TBC1D25: variants seen among roughly 807,000 people sequenced by gnomAD.
The protein encoded by TBC1D25 is TBC1 domain family member 25, also known as 5SN3 snoRNA.
In TBC1D25, 13 loss-of-function variants were observed where a neutral mutation model predicts 38.8. The ratio of observed to expected loss-of-function variants is 0.34; its 90% CI spans 0.22 to 0.53. The LOEUF is 0.53. TBC1D25 is among the 20% of genes least tolerant of loss of function. TBC1D25 has a pLI of 0.94. For missense variants in TBC1D25, 372 were observed against 600.0 expected (o/e 0.62, Z 3.97); for synonymous variants, 225 against 255.6 (o/e 0.88, Z 1.14).
intron 2 of TBC1D25, among the ~76,000 whole-genome samples, chrX:48,542,026 C>CTTTTTT (rs782768482): frequency 1.1e-5 from 1 of 87,859 alleles, no homozygotes; most frequent in Non-Finnish European, 2.2e-5. Flanking sequence ...CTTTTTATTT[C>CTTTTTT]TTTTTTTTTT....
chrX:48,540,033 C>T, intron 1 of TBC1D25, 113 bp downstream of exon 1: 1 of 910,877 alleles, frequency 1.1e-6, no homozygotes, highest in Non-Finnish European at 1.4e-6. Context: ...ACCTGAGCGG[C>T]GAAGCTTGAG....
intron 3 of TBC1D25, among the ~76,000 whole-genome samples, chrX:48,547,435 T>C: frequency 8.9e-6 from 1 of 111,930 alleles, no homozygotes; most frequent in Non-Finnish European, 1.9e-5. Flanking sequence ...CCATATGTGC[T>C]TATGTCAGTC....
chrX:48,545,088 C>A, intron 3 of TBC1D25, 65 bp downstream of exon 3: 3 of 1,161,860 alleles, frequency 2.6e-6, no homozygotes, highest in Non-Finnish European at 3.5e-6. Flanking sequence ...GTGATGCTAC[C>A]CCTCACAGTA....
At position 48,541,460 on chromosome X, in the gene TBC1D25, G is replaced by A; in HGVS notation, c.233+18G>A. On this transcript the variant is annotated intron_variant, in intron 2 of 5. Coordinates refer to ENST00000376771, the MANE Select transcript of TBC1D25 (RefSeq NM_002536.4). ...TTGAGTGGGTGAGTGGGAAGATGCT[G>A]GGGACTGGCCAGTGGGCCACCGACC... is the stretch of plus-strand genomic sequence containing the variant. The A allele has an allele frequency of 8.3e-7, 1 of 1,200,961 alleles. No homozygotes were observed. Among genetic ancestry groups the A allele is most frequent in the Non-Finnish European group, 1.1e-6 (1 of 886,778 alleles).
At position 48,559,069 on chromosome X, in the gene TBC1D25, A is replaced by C. The variant is rs377005470; in HGVS notation, c.516+45A>C. 2.2e-5 allele frequency: 26 copies of C among 1,204,402 alleles called. No homozygotes were observed. The African/African-American group carries it at 4.0e-4, about 19-fold the overall frequency. The stretch of plus-strand genomic sequence containing the variant: ...GGACCCAGCTGTGGTTGGAGGGCAG[A>C]GCCTTCCTGGCACCCTGGTTCTGAG... On this transcript the variant is annotated intron_variant, in intron 4 of 5. Transcript: ENST00000376771.
intron 1 of TBC1D25, among the ~76,000 whole-genome samples, chrX:48,540,649 G>A (rs782582933): frequency 4.5e-5 from 5 of 111,719 alleles, no homozygotes; most frequent in Non-Finnish European, 9.4e-5. Flanking sequence ...GAGACAGATC[G>A]CCAAGGGCCT....
Position 48,559,292 on chromosome X carries a change from C to T in TBC1D25, c.651C>T (p.Pro217=), listed in dbSNP as rs781809662. The T allele has an allele frequency of 3.3e-6, 4 of 1,210,862 alleles. No homozygotes were observed. Among genetic ancestry groups the T allele is most frequent in the Non-Finnish European group, 2.2e-6 (2 of 895,161 alleles). The part of the protein sequence containing the change: ...YLNHEGQLSR[P]EELRLRIYHG... ...ACCACGAGGGCCAGCTCTCCCGACC[C>T]GAGGAGTTGCGCCTGCGGATCTATC... Residue 217 remains proline, a synonymous_variant, in exon 5 of 6, where the codon CCC becomes CCT. Coordinates refer to ENST00000376771, the MANE Select transcript of TBC1D25 (RefSeq NM_002536.4).
chrX:48,539,941 G>A (rs1556979786), intron 1 of TBC1D25, 21 bp downstream of exon 1: 2 of 947,701 alleles, frequency 2.1e-6, no homozygotes, highest in Non-Finnish European at 2.6e-6. Context: ...CGGTGAGTCG[G>A]CCCAGCCGCC....
chrX:48,541,070 G>C (rs1316314831), intron 1 of TBC1D25, among the ~76,000 whole-genome samples: 4 of 112,106 alleles, frequency 3.6e-5, no homozygotes, highest in Non-Finnish European at 7.5e-5. Context: ...TGTTAGATTG[G>C]TTACAGCACC....
At chrX:48,542,780 T>TACTAA (rs2061851349) in intron 2 of TBC1D25, among the ~76,000 whole-genome samples, 1 of 110,771 alleles carries the variant, frequency 9.0e-6, no homozygotes, top group Admixed American at 9.7e-5. Context: ...TTTGTATCTT[T>TACTAA]AGTAGAGACA....
rs943624032 is a variant in TBC1D25 at position 48,561,161 on chromosome X, A to G, written c.*186A>G. ...GCACTGCCCCGCAGAGGCCACGCCT[A>G]TTTATTCTGTTTCTGTTGTTTTGTT... On this transcript the variant is annotated 3_prime_UTR_variant, in exon 6 of 6. Transcript: ENST00000376771. The G allele has an allele frequency of 2.2e-6, 1 of 449,960 alleles. No homozygotes were observed. Among genetic ancestry groups the G allele is most frequent in the Non-Finnish European group, 3.6e-6 (1 of 274,996 alleles). The allele number at this position is 449,960 out of a possible 1,213,427, so 37.1% of individuals were successfully genotyped here.
intron 3 of TBC1D25, among the ~76,000 whole-genome samples, chrX:48,558,111 CAAAA>C (rs782514374): frequency 2.0e-5 from 1 of 49,515 alleles, no homozygotes. Context: ...ACTCCGTCTC[CAAAA>C]AAAAAAAAAA....
At chrX:48,557,643 CAA>C (rs782150312) in intron 3 of TBC1D25, among the ~76,000 whole-genome samples, 6 of 80,598 alleles carry the variant, frequency 7.4e-5, no homozygotes, top group Non-Finnish European at 7.5e-5. Context: ...AACTCCGCCT[CAA>C]AAAAAAAAAA....
At chrX:48,544,248 C>CT (rs1556981059) in intron 2 of TBC1D25, among the ~76,000 whole-genome samples, 6 of 107,993 alleles carry the variant, frequency 5.6e-5, no homozygotes, top group Non-Finnish European at 7.7e-5. Flanking sequence ...ACACAGATTG[C>CT]TTTTTTTTTA....
Position 48,542,026 on chromosome X carries a change from C to T in TBC1D25, c.233+584C>T, listed in dbSNP as rs782313842. Among the ~76,000 whole-genome samples the T allele has an allele frequency of 1.0e-4, 9 of 87,817 alleles. No homozygotes were observed. The South Asian group carries it at 1.6e-3, about 16-fold the overall frequency. 76.3% of individuals were successfully genotyped at this position (87,817 alleles called of 115,157 possible). ...GTTAAATGCATTTTCCTTTTTATTT[C>T]TTTTTTTTTTTTTTTTTGAGATGGA... is the stretch of plus-strand genomic sequence containing the variant. On this transcript the variant is annotated intron_variant, in intron 2 of 5. Coordinates refer to ENST00000376771, the MANE Select transcript of TBC1D25 (RefSeq NM_002536.4).
In TBC1D25 at chrX:48,560,067, G is replaced by A. The variant is rs781810407; in HGVS notation, c.1159G>A (p.Ala387Thr). ...ACACTTGAAGCTGTTGCTGCGACAC[G>A]CTGACCCTGACTTTTATCAATACCT... Reference protein sequence around the residue: ...FAHLKLLLRHADPDFYQYLQE... With the variant: ...FAHLKLLLRHTDPDFYQYLQE... Residue 387 changes from alanine (A) to threonine (T), a missense_variant, in exon 6 of 6, where the codon GCT (alanine) becomes ACT (threonine). Ala to Thr is a moderately conservative substitution (Grantham distance 58). Coordinates refer to ENST00000376771, the MANE Select transcript of TBC1D25 (RefSeq NM_002536.4). 17 of 1,208,051 alleles carry A rather than the reference G, an allele frequency of 1.4e-5. No homozygotes were observed. Among genetic ancestry groups the A allele is most frequent in the Admixed American group, 6.6e-5 (3 of 45,507 alleles).
chrX:48,548,252 C>A (rs2061902979), intron 3 of TBC1D25, among the ~76,000 whole-genome samples: 1 of 108,499 alleles, frequency 9.2e-6, no homozygotes, highest in Admixed American at 1.0e-4. Context: ...AGTAGCTGGG[C>A]CTATAGGCAC....
chrX:48,553,472 T>G (rs1049021073), intron 3 of TBC1D25, among the ~76,000 whole-genome samples: 1 of 108,982 alleles, frequency 9.2e-6, no homozygotes, highest in East Asian at 2.9e-4. Context: ...TCTCAGGTCT[T>G]TCTTCTTAGT....
chrX:48,558,615 G>A (rs2061995353), intron 3 of TBC1D25, among the ~76,000 whole-genome samples: 2 of 112,395 alleles, frequency 1.8e-5, no homozygotes, highest in African/African-American at 6.5e-5. Flanking sequence ...TATTGCTGTT[G>A]AGCGCTTGTC....
Sources: gnomAD v4.1 joint callset for allele counts (sites outside exome capture counted in the v4.1 genomes callset) on GRCh38, gnomAD v4.1.1 for gene constraint, MANE v1.5 for transcripts, NCBI Gene and HGNC (gene_info 2026-07-23, HGNC 2026-07-21) for gene names.